The following DHX32 variants were observed in gnomAD, a reference collection of about 807,000 sequenced individuals.
DHX32 encodes the protein putative pre-mRNA-splicing factor ATP-dependent RNA helicase DHX32.
Under a neutral mutation model 70.0 loss-of-function variants are expected in DHX32, and 51 were observed. That is an observed-to-expected ratio of 0.73 (90% CI 0.58 to 0.92). The LOEUF (loss-of-function observed/expected upper bound fraction) is 0.92. Ranked by LOEUF, DHX32 falls within the 40% of genes least tolerant of loss-of-function variation. DHX32 has a pLI of 0.00. For missense variants in DHX32, 762 were observed against 891.8 expected, an observed-to-expected ratio of 0.85 and a Z score of 1.85; for synonymous variants, 310 against 315.3, an observed-to-expected ratio of 0.98 and a Z score of 0.18.
rs140078310 is a variant in DHX32 at position 125,877,341 on chromosome 10, G to C, written c.282+3202C>G. ...CTTTGATACTGGCAGCTGTAAATCAGATAAAAAACATCTGTTGTCCAGCCC... is the reference window on the plus strand; with the variant it reads ...CTTTGATACTGGCAGCTGTAAATCACATAAAAAACATCTGTTGTCCAGCCC... On this transcript the variant is annotated intron_variant, in intron 1 of 10. Coordinates refer to ENST00000284690, the MANE Select transcript of DHX32 (RefSeq NM_018180.3). Among the ~76,000 whole-genome samples the C allele has an allele frequency of 7.0e-3, 1,060 of 151,718 alleles. 10 individuals are homozygous for C. The highest frequency in any genetic ancestry group is 9.6e-3 in the Non-Finnish European group (653 of 67,978).
intron 2 of DHX32, among the ~76,000 whole-genome samples, chr10:125,860,541 A>G (rs947327026): frequency 1.3e-5 from 2 of 152,204 alleles, no homozygotes; most frequent in African/African-American, 4.8e-5. Context: ...GGATCTAAAA[A>G]GTAACCACCT....
chr10:125,837,649 T>G (rs73381232), intron 10 of DHX32, among the ~76,000 whole-genome samples: 2,915 of 152,290 alleles, frequency 0.019, 90 homozygotes, highest in African/African-American at 0.065. Flanking sequence ...GGTCTTGAAC[T>G]CTTGGGCTCA....
chr10:125,848,735 G>A (rs1000778407), intron 6 of DHX32, among the ~76,000 whole-genome samples: 4 of 152,148 alleles, frequency 2.6e-5, no homozygotes, highest in African/African-American at 9.7e-5. Context: ...GCAGCTCAGG[G>A]CCCCTGTGGT....
intron 10 of DHX32, among the ~76,000 whole-genome samples, chr10:125,837,330 A>C (rs960305716): frequency 2.6e-5 from 4 of 152,206 alleles, no homozygotes; most frequent in African/African-American, 9.7e-5. Context: ...GGAACCTTCA[A>C]AATGGATCCA....
intron 2 of DHX32, among the ~76,000 whole-genome samples, chr10:125,864,785 C>T (rs913830955): frequency 6.6e-6 from 1 of 151,604 alleles, no homozygotes; most frequent in Non-Finnish European, 1.5e-5. Flanking sequence ...AAAAAGTTAG[C>T]CAAGTGTGAT....
chr10:125,883,973 A>C (rs1303053774), upstream of DHX32, among the ~76,000 whole-genome samples: 2 of 152,182 alleles, frequency 1.3e-5, no homozygotes, highest in Non-Finnish European at 2.9e-5. Flanking sequence ...TAACCGGTGC[A>C]TTAGAAGCCA....
chr10:125,861,972 T>G (rs1449214028), intron 2 of DHX32, among the ~76,000 whole-genome samples: 2 of 151,914 alleles, frequency 1.3e-5, no homozygotes, highest in African/African-American at 4.8e-5. Context: ...AAGCACCTAG[T>G]GTGAGCCAGT....
intron 1 of DHX32, among the ~76,000 whole-genome samples, chr10:125,887,325 A>G (rs1215665019): frequency 7.2e-5 from 11 of 152,190 alleles, no homozygotes; most frequent in Non-Finnish European, 1.5e-4. Context: ...GGGTGTGGAA[A>G]TAGAAATTCT....
At position 125,859,665 on chromosome 10, in the gene DHX32, T is replaced by C. The variant is rs745974346; in HGVS notation, c.787A>G (p.Ile263Val). 6 of 1,610,374 alleles carry C rather than the reference T, an allele frequency of 3.7e-6. No individual in the cohort carries two copies. In the East Asian group the frequency reaches 1.1e-4, roughly 30 times the overall value. ...KDSFESILRL[I>V]FEIHHSGEKG... is the part of the protein sequence containing the mutation. ...TCACCCGAGTGGTGAATTTCAAAGA[T>C]AAGGCGTAAAATAGACTCAAAAGAA... is the stretch of plus-strand genomic sequence containing the variant. The change falls in exon 3 of 11, where the codon ATC becomes GTC. Residue 263 changes from isoleucine to valine, a missense_variant. By Grantham distance (29) the Ile-to-Val change is conservative. Around this residue, in one of 3 missense-constraint regions of DHX32, gnomAD observed 394 missense variants for 473.1 expected, o/e 0.83. Coordinates refer to ENST00000284690, the MANE Select transcript of DHX32 (RefSeq NM_018180.3).
At chr10:125,876,345 C>T (rs1944283767) in intron 1 of DHX32, among the ~76,000 whole-genome samples, 1 of 152,224 alleles carries the variant, frequency 6.6e-6, no homozygotes, top group Non-Finnish European at 1.5e-5. Context: ...ATTCCCTTGT[C>T]TTGATAAATT....
chr10:125,860,844 C>T (rs1464442494), intron 2 of DHX32, among the ~76,000 whole-genome samples: 4 of 116,278 alleles, frequency 3.4e-5, no homozygotes, highest in East Asian at 4.4e-4. Context: ...CAAGCTCCGC[C>T]TCCCGGGTTC....
chr10:125,841,057 A>G, intron 7 of DHX32, 61 bp from the exon 8 acceptor site: 1 of 1,551,602 alleles, frequency 6.4e-7, no homozygotes, highest in Non-Finnish European at 8.8e-7. Context: ...TTAGCCTAAC[A>G]TGCAGAGGGG....
At position 125,836,683 on chromosome 10, in the gene DHX32, G is replaced by A; in HGVS notation, c.*4C>T. 1 of 1,613,170 alleles carries A rather than the reference G, an allele frequency of 6.2e-7. No individual in the cohort carries two copies. The highest frequency in any genetic ancestry group is 1.3e-5 in the African/African-American group (1 of 75,008). On this transcript the variant is annotated 3_prime_UTR_variant, in exon 11 of 11. Transcript: ENST00000284690. The stretch of plus-strand genomic sequence containing the variant: ...CCCTGCTGCACCTTGTGTTTGCTGG[G>A]GAGTCACTGGAGAGTGCATCTCTGT...
At position 125,844,295 on chromosome 10, in the gene DHX32, C is replaced by T. The variant is rs371044362; in HGVS notation, c.1352-2361G>A. Among the ~76,000 whole-genome samples, 6 of 152,300 alleles carry T rather than the reference C, an allele frequency of 3.9e-5. No individual in the cohort carries two copies. The South Asian group carries it at 1.2e-3, about 32-fold the overall frequency. ...TAACTACTGAAAGCTTTTCAGAAAC[C>T]AGTTTCTATAAATCAGCAAAGCTGC... On this transcript the variant is annotated intron_variant, in intron 6 of 10. Transcript: ENST00000284690.
intron 2 of DHX32, among the ~76,000 whole-genome samples, chr10:125,864,838 G>C (rs897658548): frequency 7.1e-6 from 1 of 141,752 alleles, no homozygotes; most frequent in African/African-American, 2.6e-5. Context: ...GCTGAGGCAC[G>C]ATAATCGCTT....
At chr10:125,850,134 TA>T (rs371549545) in intron 6 of DHX32, among the ~76,000 whole-genome samples, 53,293 of 133,534 alleles carry the variant, frequency 0.4, 10,578 homozygotes, top group Non-Finnish European at 0.45. Flanking sequence ...CCTGGCTCAT[TA>T]AAAAAAAAAA....
chr10:125,839,042 G>C lies in DHX32; in HGVS notation c.1840C>G (p.Leu614Val). The C allele has an allele frequency of 6.2e-7, 1 of 1,614,142 alleles. No individual in the cohort carries two copies. The highest frequency in any genetic ancestry group is 8.5e-7 in the Non-Finnish European group (1 of 1,180,006). The change falls in exon 9 of 11, where the codon CTA (leucine) becomes GTA (valine). Residue 614 changes from leucine (L) to valine (V), a missense_variant. Physicochemically the swap from Leu to Val is conservative, Grantham distance 32. Around this residue, in one of 3 missense-constraint regions of DHX32, gnomAD observed 366 missense variants for 402.6 expected, o/e 0.91. Transcript: ENST00000284690. ...EPAFGSKENTLNIKKALLSGY... is the reference protein window; with the variant it reads ...EPAFGSKENTVNIKKALLSGY... The stretch of plus-strand genomic sequence containing the variant: ...GACAGAAGAGCTTTCTTTATGTTTA[G>C]AGTGTTTTCCTTGGAGCCAAAAGCA...
intron 6 of DHX32, among the ~76,000 whole-genome samples, chr10:125,850,354 CT>C (rs765077777): frequency 3.4e-3 from 421 of 124,558 alleles, no homozygotes; most frequent in African/African-American, 8.7e-3. Flanking sequence ...TTCTTTCTTT[CT>C]TTTTTTTTTT....
rs72152222 is a variant in DHX32 at position 125,857,879 on chromosome 10, GTTTT to G, written c.849+1720_849+1723del. Among the ~76,000 whole-genome samples the G allele has an allele frequency of 1.8e-4, 26 of 140,856 alleles. No individual in the cohort carries two copies. In the East Asian group the frequency reaches 2.9e-3, roughly 16 times the overall value. The allele number at this position is 140,856 out of a possible 152,430, so 92.4% of individuals were successfully genotyped here. A position where few individuals can be genotyped will look rare whatever the true frequency, so the allele number is the denominator to read the frequency against. ...TTTTCTTGCAGAAATGTATATCCTGGTTTTTTTTTTTTAATTTTTCATTTTTTTT... is the reference window on the plus strand; with the variant it reads ...TTTTCTTGCAGAAATGTATATCCTGGTTTTTTTTAATTTTTCATTTTTTTT... On this transcript the variant is annotated intron_variant, in intron 3 of 10. Coordinates refer to ENST00000284690, the MANE Select transcript of DHX32 (RefSeq NM_018180.3).
Sources: allele counts gnomAD v4.1 joint callset (sites outside exome capture counted in the v4.1 genomes callset), GRCh38; gene constraint gnomAD v4.1.1; regional missense constraint gnomAD v4.1.1; transcripts MANE v1.5; gene names NCBI Gene and HGNC (gene_info 2026-07-23, HGNC 2026-07-21).